Variants in ELFN2 observed in about 807,000 individuals in gnomAD.
The protein encoded by ELFN2 is protein phosphatase 1 regulatory subunit 29.
ELFN2 carries 17 observed loss-of-function variants against 45.5 expected under a neutral mutation model. That is an observed-to-expected ratio of 0.37 (90% CI 0.26 to 0.56). The LOEUF is 0.56. Ranked by LOEUF, ELFN2 falls within the 20% of genes least tolerant of loss-of-function variation. The probability of loss-of-function intolerance (pLI) is 0.77; values close to 1 mark genes in which losing one functional copy is unlikely to be tolerated. For synonymous variants in ELFN2, 550 were observed against 551.5 expected, an observed-to-expected ratio of 1.00 and a Z score of 0.04; for missense variants, 922 against 1,183.2, an observed-to-expected ratio of 0.78 and a Z score of 3.24.
chr22:37,383,546 A>G (rs190481698), intron 2 of ELFN2, among the ~76,000 whole-genome samples: 2 of 152,284 alleles, frequency 1.3e-5, no homozygotes, highest in Admixed American at 6.5e-5. Flanking sequence ...GCACTGGGTG[A>G]GCAGGCCATG....
chr22:37,375,099 C>T lies in ELFN2; in HGVS notation c.436G>A (p.Ala146Thr), dbSNP rs1297953760. ...ATGAGGCTCGGGCACTCGGAGAAGG[C>T]GGTGGGCGTCACCACCTCGATGAGG... ...HNLIEVVTPTAFSECPSLISI... is the reference protein window; with the variant it reads ...HNLIEVVTPTTFSECPSLISI... Residue 146 changes from alanine to threonine, a missense_variant, in exon 3 of 3, where the codon GCC becomes ACC. Transcript: ENST00000402918. 5 of 1,613,468 alleles carry T rather than the reference C, an allele frequency of 3.1e-6. No homozygotes were observed. Among genetic ancestry groups the T allele is most frequent in the Admixed American group, 1.7e-5 (1 of 59,990 alleles).
intron 1 of ELFN2, among the ~76,000 whole-genome samples, chr22:37,359,762 C>T (rs1354870796): frequency 1.3e-5 from 2 of 152,204 alleles, no homozygotes; most frequent in Admixed American, 6.5e-5. Context: ...AGAAGTTTCT[C>T]GGCTTTGCTC....
intron 2 of ELFN2, among the ~76,000 whole-genome samples, chr22:37,395,189 C>A (rs1268960330): frequency 1.3e-5 from 2 of 151,994 alleles, no homozygotes; most frequent in Admixed American, 6.5e-5. Flanking sequence ...AACGGAGGCT[C>A]AGAAAGACAA....
chr22:37,423,654 CTCAA>C (rs1183341492), intron 1 of ELFN2, among the ~76,000 whole-genome samples: 11 of 152,144 alleles, frequency 7.2e-5, no homozygotes, highest in African/African-American at 2.4e-4. Context: ...TCAGTAGGGG[CTCAA>C]TAATATTAGC....
In ELFN2 at chr22:37,371,425, T is replaced by C. The variant is rs1569130783; in HGVS notation, c.*1647A>G. ...GGTGGGTGGCAGCCAAGCGACATGT[T>C]GCTAGGCGGGCAAAGCTGCTAGTAG... On this transcript the variant is annotated 3_prime_UTR_variant, in exon 3 of 3. Transcript: ENST00000402918. This position sits in a 1 kb window ranked among gnomAD's most constrained non-coding sequence, Gnocchi z 6.4. 1 of 152,262 alleles carries C rather than the reference T, an allele frequency of 6.6e-6. No individual in the cohort carries two copies. The highest frequency in any genetic ancestry group is 1.5e-5 in the Non-Finnish European group (1 of 68,104). The allele number at this position is 152,262 out of a possible 1,614,324, so 9.4% of individuals were successfully genotyped here.
chr22:37,420,931 G>A (rs1411234447), intron 1 of ELFN2, among the ~76,000 whole-genome samples: 1 of 152,136 alleles, frequency 6.6e-6, no homozygotes, highest in African/African-American at 2.4e-5. Context: ...AGAGACCCCG[G>A]GGAACATGCA....
Position 37,374,107 on chromosome 22 carries a change from C to A in ELFN2, c.1428G>T (p.Met476Ile). The A allele has an allele frequency of 6.2e-7, 1 of 1,613,134 alleles. No individual in the cohort carries two copies. The highest frequency in any genetic ancestry group is 8.5e-7 in the Non-Finnish European group (1 of 1,180,024). The change falls in exon 3 of 3, where the codon ATG (methionine) becomes ATT (isoleucine). Residue 476 changes from methionine to isoleucine, a missense_variant. Physicochemically the swap from Met to Ile is conservative, Grantham distance 10 (BLOSUM62 1). Transcript: ENST00000402918. ...PVSRMASIPSMIGEKLPTAKG... is the reference protein window; with the variant it reads ...PVSRMASIPSIIGEKLPTAKG... Reference sequence around the variant, plus strand: ...TGGCGGTGGGCAGCTTCTCCCCGATCATGGAGGGGATGGAGGCCATGCGAG... The same window carrying A: ...TGGCGGTGGGCAGCTTCTCCCCGATAATGGAGGGGATGGAGGCCATGCGAG...
chr22:37,374,280 G>T lies in ELFN2; in HGVS notation c.1255C>A (p.Leu419Met). The part of the protein sequence containing the change: ...VIVLGAVYYC[L>M]RKRRMQEEKQ... ...TCCTCCTGCATGCGCCGCTTGCGCAGGCAGTAGTACACGGCTCCCAGCACG... is the reference window on the plus strand; with the variant it reads ...TCCTCCTGCATGCGCCGCTTGCGCATGCAGTAGTACACGGCTCCCAGCACG... Residue 419 changes from leucine to methionine, a missense_variant, in exon 3 of 3, where the codon CTG becomes ATG. This residue lies in a region of ELFN2 where 564 missense variants were observed against 642.8 expected (regional missense o/e 0.88). Coordinates refer to ENST00000402918, the MANE Select transcript of ELFN2 (RefSeq NM_052906.5). The T allele has an allele frequency of 6.2e-7, 1 of 1,613,862 alleles. No individual in the cohort carries two copies.
intron 1 of ELFN2, among the ~76,000 whole-genome samples, chr22:37,345,542 G>T (rs1930676067): frequency 1.5e-5 from 2 of 134,920 alleles, no homozygotes; most frequent in Middle Eastern, 4.1e-3. Context: ...TGTTTTTGTT[G>T]TTGTCTTTTT....
intron 1 of ELFN2, among the ~76,000 whole-genome samples, chr22:37,361,392 AC>A (rs1197071846): frequency 3.7e-5 from 3 of 80,946 alleles, no homozygotes; most frequent in Non-Finnish European, 7.4e-5. Context: ...CCTTCCTCCC[AC>A]CCCCAGGAGA....
chr22:37,387,948 G>A (rs568082862), intron 2 of ELFN2, among the ~76,000 whole-genome samples: 2 of 151,458 alleles, frequency 1.3e-5, no homozygotes, highest in South Asian at 2.1e-4. Context: ...CATCTCCCAC[G>A]GCCCCTTCCC....
At chr22:37,400,002 G>A (rs1269119113) in intron 2 of ELFN2, among the ~76,000 whole-genome samples, 1 of 152,180 alleles carries the variant, frequency 6.6e-6, no homozygotes, top group Non-Finnish European at 1.5e-5. Context: ...ACTGCCCAAA[G>A]CCAGGCTGCT....
intron 2 of ELFN2, among the ~76,000 whole-genome samples, chr22:37,393,438 G>A (rs895366596): frequency 6.6e-6 from 1 of 152,208 alleles, no homozygotes; most frequent in African/African-American, 2.4e-5. Context: ...AACTTGGCTT[G>A]GGCCTGGCAG....
At chr22:37,400,654 C>T (rs1932339047) in intron 2 of ELFN2, among the ~76,000 whole-genome samples, 2 of 152,228 alleles carry the variant, frequency 1.3e-5, no homozygotes, top group South Asian at 4.1e-4. Context: ...CTGGGAGCAG[C>T]CCCTGAGCCC....
chr22:37,355,536 A>T (rs1296469097), intron 1 of ELFN2, among the ~76,000 whole-genome samples: 4 of 151,980 alleles, frequency 2.6e-5, no homozygotes, highest in Admixed American at 2.6e-4. Context: ...CCCTTCTCAG[A>T]CCTCACCTCT....
At chr22:37,410,644 C>T (rs766467005) in intron 2 of ELFN2, among the ~76,000 whole-genome samples, 80 of 152,180 alleles carry the variant, frequency 5.3e-4, no homozygotes, top group Non-Finnish European at 8.1e-4. Context: ...GGGCACTGAC[C>T]GGAAACCGCA....
intron 2 of ELFN2, among the ~76,000 whole-genome samples, chr22:37,391,216 G>A (rs1215881541): frequency 1.3e-5 from 2 of 152,100 alleles, no homozygotes; most frequent in Admixed American, 6.5e-5. Context: ...TCTGGCTCCC[G>A]ACCCCCATCC....
downstream of ELFN2, among the ~76,000 whole-genome samples, chr22:37,363,061 C>A (rs1480218869): frequency 2.0e-5 from 3 of 152,216 alleles, no homozygotes; most frequent in African/African-American, 7.2e-5. Flanking sequence ...CCCCATGAAG[C>A]AGAAACAGGT....
chr22:37,341,706 C>T (rs1441557375), intron 2 of ELFN2, among the ~76,000 whole-genome samples: 1 of 152,160 alleles, frequency 6.6e-6, no homozygotes, highest in Non-Finnish European at 1.5e-5. Flanking sequence ...CCCATCCCTT[C>T]GTTAAGCACC....
Sources: gnomAD v4.1 joint callset for allele counts (sites outside exome capture counted in the v4.1 genomes callset) on GRCh38, gnomAD v4.1.1 for gene constraint, gnomAD v4.1.1 regional missense constraint, Gnocchi (gnomAD v3.1) non-coding constraint, MANE v1.5 for transcripts, NCBI Gene and HGNC (gene_info 2026-07-23, HGNC 2026-07-21) for gene names.